AMN1: variants seen among roughly 807,000 people sequenced by gnomAD.
AMN1 encodes antagonist of mitotic exit network 1 homolog.
A neutral mutation model predicts 33.0 loss-of-function variants in AMN1; 20 were observed. The ratio of observed to expected loss-of-function variants is 0.61; its 90% confidence interval spans 0.43 to 0.88. The LOEUF (loss-of-function observed/expected upper bound fraction) is 0.88. Among genes scored for constraint, AMN1 ranks in the 40% least tolerant of loss-of-function variants. The pLI is 0.00. For missense variants in AMN1, 246 were observed against 307.4 expected, an observed-to-expected ratio of 0.80 and a Z score of 1.49; for synonymous variants, 114 against 111.9, an observed-to-expected ratio of 1.02 and a Z score of -0.12.
Position 31,716,345 on chromosome 12 carries a change from G to A in AMN1, c.39-6920C>T, listed in dbSNP as rs147774997. 1.6e-4 allele frequency among the ~76,000 whole-genome samples: 24 copies of A among 152,114 alleles called. No homozygotes were observed. In the East Asian group the frequency reaches 1.9e-3, roughly 12 times the overall value. The stretch of plus-strand genomic sequence containing the variant: ...CTTAGACATGTCTTTTGGTACACAC[G>A]TATCTGTGTTTCAACTGAGTGTATA... On this transcript the variant is annotated intron_variant, in intron 1 of 6. Coordinates refer to ENST00000281471, the MANE Select transcript of AMN1 (RefSeq NM_001113402.2).
chr12:31,728,794 C>A (rs1268246377), intron 1 of AMN1, among the ~76,000 whole-genome samples, 177 bp downstream of exon 1: 1 of 151,176 alleles, frequency 6.6e-6, no homozygotes, highest in East Asian at 2.0e-4. Flanking sequence ...CTTTGCACAA[C>A]TGTCCTCAGC....
intron 1 of AMN1, among the ~76,000 whole-genome samples, chr12:31,727,513 C>T (rs916770318): frequency 5.3e-5 from 8 of 151,984 alleles, no homozygotes; most frequent in Non-Finnish European, 1.5e-5. Flanking sequence ...GCGCTACTTT[C>T]TGGTCTTCTC....
intron 6 of AMN1, among the ~76,000 whole-genome samples, chr12:31,674,607 C>T (rs1951347745): frequency 6.6e-6 from 1 of 152,162 alleles, no homozygotes; most frequent in African/African-American, 2.4e-5. Flanking sequence ...AACATACTCA[C>T]ATTTTGGGCA....
intron 6 of AMN1, 25 bp from the exon 7 acceptor site, chr12:31,672,402 T>C (rs776362256): frequency 1.3e-6 from 2 of 1,483,950 alleles, no homozygotes; most frequent in Admixed American, 1.9e-5. Flanking sequence ...AATGACAATA[T>C]ATTAATTGAC....
At chr12:31,728,923 A>G in intron 1 of AMN1, 48 bp downstream of exon 1, 1 of 1,529,588 alleles carries the variant, frequency 6.5e-7, no homozygotes, top group Non-Finnish European at 8.8e-7. Context: ...GGCCGTTTGG[A>G]GGAGGTGCTG....
chr12:31,715,969 G>C (rs1242897606), intron 1 of AMN1, among the ~76,000 whole-genome samples: 2 of 152,162 alleles, frequency 1.3e-5, no homozygotes, highest in South Asian at 2.1e-4. Context: ...TTTCCTTTTT[G>C]TAAGACTGGT....
In AMN1 at chr12:31,687,239, T is replaced by C. The variant is rs1938304114; in HGVS notation, c.703+1768A>G. On this transcript the variant is annotated intron_variant, in intron 6 of 6. Coordinates refer to ENST00000281471, the MANE Select transcript of AMN1 (RefSeq NM_001113402.2). The surrounding 1 kb of genome is among the most constrained non-coding windows in gnomAD (Gnocchi z 4.1). ...CTTTGCATAAAGATCTAATCTTCAC[T>C]ACAGATGTCACTGATACCCAGATAC... Among the ~76,000 whole-genome samples the C allele has an allele frequency of 6.6e-6, 1 of 152,202 alleles. No individual in the cohort carries two copies. The highest frequency in any genetic ancestry group is 2.4e-5 in the African/African-American group (1 of 41,434).
At chr12:31,718,807 T>A (rs1446950524) in intron 1 of AMN1, among the ~76,000 whole-genome samples, 1 of 152,250 alleles carries the variant, frequency 6.6e-6, no homozygotes, top group Non-Finnish European at 1.5e-5. Flanking sequence ...TAGGCCTTGC[T>A]GAGCTGTAGT....
At chr12:31,723,414 C>T (rs1180036699) in intron 1 of AMN1, among the ~76,000 whole-genome samples, 1 of 151,960 alleles carries the variant, frequency 6.6e-6, no homozygotes, top group Non-Finnish European at 1.5e-5. Context: ...GGGTTCACAC[C>T]ATTCTCCTGC....
chr12:31,696,897 G>A (rs1401107967), intron 5 of AMN1, among the ~76,000 whole-genome samples: 2 of 151,388 alleles, frequency 1.3e-5, no homozygotes, highest in Non-Finnish European at 2.9e-5. Flanking sequence ...CTCCAGCCTG[G>A]GCAACAGTGG....
At chr12:31,681,971 C>T (rs1938036677) in intron 6 of AMN1, among the ~76,000 whole-genome samples, 1 of 152,158 alleles carries the variant, frequency 6.6e-6, no homozygotes, top group Non-Finnish European at 1.5e-5. Context: ...GCCACCGCAC[C>T]CTGACACAAA....
At chr12:31,716,018 C>G (rs1939661506) in intron 1 of AMN1, among the ~76,000 whole-genome samples, 1 of 152,130 alleles carries the variant, frequency 6.6e-6, no homozygotes, top group South Asian at 2.1e-4. Flanking sequence ...GTGGAATATT[C>G]CTTTTATCAT....
Position 31,709,273 on chromosome 12 carries a change from A to G in AMN1, c.171+20T>C. On this transcript the variant is annotated intron_variant, in intron 2 of 6. Coordinates refer to ENST00000281471, the MANE Select transcript of AMN1 (RefSeq NM_001113402.2). ...ACAGAAAATATAATATGCTTGCTTTACAGTTATTCATACTCTTACCTCACT... is the reference window on the plus strand; with the variant it reads ...ACAGAAAATATAATATGCTTGCTTTGCAGTTATTCATACTCTTACCTCACT... The G allele has an allele frequency of 6.2e-7, 1 of 1,610,548 alleles. No individual in the cohort carries two copies.
At chr12:31,701,471 T>C (rs968072729) in intron 3 of AMN1, among the ~76,000 whole-genome samples, 29 of 152,114 alleles carry the variant, frequency 1.9e-4, no homozygotes, top group African/African-American at 7.0e-4. Flanking sequence ...ACTTTTGTAT[T>C]TTTTGTAGAG....
chr12:31,682,078 G>A (rs1045366214), intron 6 of AMN1, among the ~76,000 whole-genome samples: 8 of 152,196 alleles, frequency 5.3e-5, no homozygotes, highest in African/African-American at 1.9e-4. Flanking sequence ...AATCAAAAAA[G>A]TGTTCTGTGC....
intron 5 of AMN1, among the ~76,000 whole-genome samples, chr12:31,692,104 T>C (rs1938525279): frequency 6.6e-6 from 1 of 150,938 alleles, no homozygotes; most frequent in South Asian, 2.1e-4. Flanking sequence ...CCTCAAACTC[T>C]GACCTCAAGT....
Position 31,672,126 on chromosome 12 carries a change from G to T in AMN1, c.*178C>A. On this transcript the variant is annotated 3_prime_UTR_variant, in exon 7 of 7. Coordinates refer to ENST00000281471, the MANE Select transcript of AMN1 (RefSeq NM_001113402.2). ...AATAGCACTTTAAAGATGTTTAAGA[G>T]TAAAGCACAAACCATGTATATACCA... The T allele has an allele frequency of 3.7e-6, 2 of 538,602 alleles. No homozygotes were observed. The highest frequency in any genetic ancestry group is 5.5e-5 in the South Asian group (2 of 36,224). The allele number at this position is 538,602 out of a possible 1,614,324, so 33.4% of individuals were successfully genotyped here.
chr12:31,700,677 T>TA (rs1938952296), intron 3 of AMN1, among the ~76,000 whole-genome samples: 1 of 152,106 alleles, frequency 6.6e-6, no homozygotes, highest in Admixed American at 6.5e-5. Context: ...GTTTTTTTTT[T>TA]AGTTTTAATT....
intron 1 of AMN1, among the ~76,000 whole-genome samples, chr12:31,724,669 C>T (rs1288313412): frequency 6.6e-6 from 1 of 152,174 alleles, no homozygotes; most frequent in African/African-American, 2.4e-5. Context: ...CTTTTTCCTA[C>T]AACATGGCTC....
Sources: allele counts gnomAD v4.1 joint callset (sites outside exome capture counted in the v4.1 genomes callset), GRCh38; gene constraint gnomAD v4.1.1; non-coding constraint Gnocchi (gnomAD v3.1); transcripts MANE v1.5; gene names NCBI Gene and HGNC (gene_info 2026-07-23, HGNC 2026-07-21).